The following CLVS1 variants were observed in gnomAD, a reference collection of about 807,000 sequenced individuals.
CLVS1 encodes clavesin-1.
A neutral mutation model predicts 33.1 loss-of-function variants in CLVS1; 10 were observed. The observed-to-expected ratio is 0.30, with a 90% CI of 0.19 to 0.51. The LOEUF (loss-of-function observed/expected upper bound fraction) is 0.51. Among genes scored for constraint, CLVS1 ranks in the 20% least tolerant of loss-of-function variants. CLVS1 has a pLI of 0.97. For missense variants in CLVS1, 343 were observed against 433.4 expected, an observed-to-expected ratio of 0.79 and a Z score of 1.85; for synonymous variants, 163 against 166.1, an observed-to-expected ratio of 0.98 and a Z score of 0.14.
intron 5 of CLVS1, among the ~76,000 whole-genome samples, chr8:61,498,200 T>C (rs529575995): frequency 6.6e-6 from 1 of 152,298 alleles, no homozygotes; most frequent in Non-Finnish European, 1.5e-5. Context: ...AGGGTCAAAC[T>C]GATACAGTGT....
At chr8:61,133,194 G>T (rs1250524323) in intron 2 of CLVS1, among the ~76,000 whole-genome samples, 2 of 152,112 alleles carry the variant, frequency 1.3e-5, no homozygotes, top group Non-Finnish European at 2.9e-5. Context: ...AGATGGGAAA[G>T]CAAACAATGT....
At chr8:61,482,730 T>C (rs973768175) in intron 5 of CLVS1, among the ~76,000 whole-genome samples, 23 of 152,204 alleles carry the variant, frequency 1.5e-4, no homozygotes, top group Non-Finnish European at 3.1e-4. Context: ...CTAGAAATTA[T>C]AACAAACTGT....
chr8:61,201,788 C>T (rs975187230), intron 2 of CLVS1, among the ~76,000 whole-genome samples: 1 of 152,162 alleles, frequency 6.6e-6, no homozygotes, highest in African/African-American at 2.4e-5. Flanking sequence ...ATGCTTGTTC[C>T]CCACTGCCGT....
rs190153807 is a variant in CLVS1 at position 61,366,084 on chromosome 8, A to G, written c.456-10521A>G. ...AATTAATTTTTTATATTTGTTTAGT[A>G]ATAGATGGGAAGATCATAGCTCACT... is the stretch of plus-strand genomic sequence containing the variant. On this transcript the variant is annotated intron_variant, in intron 2 of 5. Coordinates refer to ENST00000325897, the MANE Select transcript of CLVS1 (RefSeq NM_173519.3). 1.2e-3 allele frequency among the ~76,000 whole-genome samples: 189 copies of G among 152,328 alleles called. 1 individual carries two copies. The highest frequency in any genetic ancestry group is 6.8e-3 in the Middle Eastern group (2 of 294).
intron 5 of CLVS1, among the ~76,000 whole-genome samples, chr8:61,467,225 C>T (rs1232496584): frequency 6.6e-6 from 1 of 152,160 alleles, no homozygotes; most frequent in East Asian, 1.9e-4. Flanking sequence ...GTAGAGAGTT[C>T]TGGGGACAGT....
At chr8:61,273,803 G>A (rs1323643330) in intron 2 of CLVS1, 1 of 154,424 alleles carries the variant, frequency 6.5e-6, no homozygotes, top group African/African-American at 2.4e-5. Context: ...GGAACTCCCT[G>A]ACTCCTTGCG....
rs186601358 is a variant in CLVS1 at position 61,452,509 on chromosome 8, G to T, written c.631-1632G>T. Among the ~76,000 whole-genome samples, 112 of 152,162 alleles carry T rather than the reference G, an allele frequency of 7.4e-4. 1 individual carries two copies. The highest frequency in any genetic ancestry group is 2.7e-3 in the African/African-American group (112 of 41,524). ...AAAAGAAGTGATGATAGTGAATAGC[G>T]CTTATTATAAAGGAAACACTTTCGG... On this transcript the variant is annotated intron_variant, in intron 3 of 5. Coordinates refer to ENST00000325897, the MANE Select transcript of CLVS1 (RefSeq NM_173519.3).
At chr8:61,064,537 A>AT (rs35743247) in intron 1 of CLVS1, among the ~76,000 whole-genome samples, 1,565 of 88,648 alleles carry the variant, frequency 0.018, 22 homozygotes, top group Admixed American at 0.037. Flanking sequence ...TTCTTTGCCC[A>AT]TTTTTTTTTT....
intron 5 of CLVS1, among the ~76,000 whole-genome samples, chr8:61,467,505 G>A (rs1460615076): frequency 6.6e-6 from 1 of 152,142 alleles, no homozygotes; most frequent in African/African-American, 2.4e-5. Context: ...GAGAGGGTGC[G>A]TTTGATTTCC....
At chr8:61,430,171 G>C (rs191667829) in intron 3 of CLVS1, among the ~76,000 whole-genome samples, 2 of 152,236 alleles carry the variant, frequency 1.3e-5, no homozygotes, top group East Asian at 3.9e-4. Context: ...ACACAAATAA[G>C]TGTGTCAAGA....
chr8:60,984,359 C>A, the CLVS1 span, among the ~76,000 whole-genome samples: 1 of 143,288 alleles, frequency 7.0e-6, no homozygotes, highest in Non-Finnish European at 1.5e-5. Context: ...CCGCTTTTGT[C>A]ACCCAGGCTG....
intron 1 of CLVS1, among the ~76,000 whole-genome samples, chr8:61,100,679 C>A (rs1271632126): frequency 1.3e-5 from 2 of 152,110 alleles, no homozygotes; most frequent in Non-Finnish European, 2.9e-5. Context: ...TTTCGTCACC[C>A]CAAGAGGAAA....
At chr8:61,232,023 G>GTTTGTTTGTTTTTTTTTTTTTTTTTTT in intron 2 of CLVS1, among the ~76,000 whole-genome samples, 1 of 62,628 alleles carries the variant, frequency 1.6e-5, no homozygotes, top group African/African-American at 4.7e-5. Context: ...GAAAGTTGTG[G>GTTTGTTTGTTTTTTTTTTTTTTTTTTT]TTTTTTTTTT....
At chr8:61,108,164 G>A (rs1005879463) in intron 1 of CLVS1, among the ~76,000 whole-genome samples, 2 of 145,444 alleles carry the variant, frequency 1.4e-5, no homozygotes. Context: ...CCTGCAGTGG[G>A]CCAAGATCAT....
intron 1 of CLVS1, among the ~76,000 whole-genome samples, chr8:61,118,324 C>T (rs1188803025): frequency 6.6e-6 from 1 of 152,154 alleles, no homozygotes; most frequent in Admixed American, 6.5e-5. Flanking sequence ...AAAACACCAG[C>T]TCCTGGGTTC....
At chr8:61,480,240 G>C (rs1046742434) in intron 5 of CLVS1, among the ~76,000 whole-genome samples, 2 of 152,248 alleles carry the variant, frequency 1.3e-5, no homozygotes, top group Non-Finnish European at 2.9e-5. Context: ...CCCAGTTCGA[G>C]CTTCCCGGCT....
At chr8:61,203,960 C>A (rs1289442867) in intron 2 of CLVS1, among the ~76,000 whole-genome samples, 5 of 152,190 alleles carry the variant, frequency 3.3e-5, no homozygotes, top group African/African-American at 4.8e-5. Context: ...GTGGTAGTTA[C>A]CTTCATATGA....
chr8:61,044,175 G>T, the CLVS1 span, among the ~76,000 whole-genome samples: 1 of 152,180 alleles, frequency 6.6e-6, no homozygotes, highest in African/African-American at 2.4e-5. Context: ...AGGTATCTGG[G>T]TAGAATGGGA....
chr8:61,066,168 A>G (rs948042360), intron 1 of CLVS1, among the ~76,000 whole-genome samples: 2 of 152,210 alleles, frequency 1.3e-5, no homozygotes, highest in African/African-American at 4.8e-5. Context: ...GAGTTTACCA[A>G]GAGAATATGT....
Sources: allele counts gnomAD v4.1 joint callset (sites outside exome capture counted in the v4.1 genomes callset), GRCh38; gene constraint gnomAD v4.1.1; transcripts MANE v1.5; gene names NCBI Gene and HGNC (gene_info 2026-07-23, HGNC 2026-07-21).